Variants in RAB38 observed in about 807,000 individuals in gnomAD.
RAB38 encodes the protein RAB38, member RAS oncogene family.
RAB38 carries 15 observed loss-of-function variants against 18.4 expected under a neutral mutation model. That is an observed-to-expected ratio of 0.82 (90% CI 0.55 to 1.26). RAB38 has a LOEUF of 1.26. Ranked by LOEUF, RAB38 falls within the 50% of genes most tolerant of loss-of-function variation. The pLI is 0.00. For synonymous variants in RAB38, 101 were observed against 104.4 expected (o/e 0.97, Z 0.20); for missense variants, 294 against 267.4 (o/e 1.10, Z -0.69).
intron 1 of RAB38, among the ~76,000 whole-genome samples, chr11:88,170,451 A>T (rs1344794226): frequency 6.6e-6 from 1 of 152,218 alleles, no homozygotes; most frequent in African/African-American, 2.4e-5. Flanking sequence ...GGTACTAAAG[A>T]GATAGTTAAG....
At chr11:88,060,813 C>T in the RAB38 span, among the ~76,000 whole-genome samples, 18 of 152,116 alleles carry the variant, frequency 1.2e-4, no homozygotes, top group African/African-American at 4.3e-4. Context: ...CTAACTAATG[C>T]TAGGCTAGGG....
intron 2 of RAB38, among the ~76,000 whole-genome samples, chr11:88,134,136 T>C (rs1032400936): frequency 2.0e-5 from 3 of 152,184 alleles, no homozygotes; most frequent in Admixed American, 6.5e-5. Flanking sequence ...CTTAGATGTA[T>C]AGTAACCTTT....
chr11:88,026,782 T>G, the RAB38 span, among the ~76,000 whole-genome samples: 2 of 151,848 alleles, frequency 1.3e-5, no homozygotes, highest in Admixed American at 1.3e-4. Flanking sequence ...ACAGTAATAA[T>G]TGATTCAGAG....
At chr11:88,069,301 A>G in the RAB38 span, among the ~76,000 whole-genome samples, 2 of 152,208 alleles carry the variant, frequency 1.3e-5, no homozygotes, top group Non-Finnish European at 2.9e-5. Context: ...GGCAGGGCTC[A>G]GGACCTGCAG....
At chr11:87,865,958 A>G in the RAB38 span, among the ~76,000 whole-genome samples, 1 of 151,744 alleles carries the variant, frequency 6.6e-6, no homozygotes, top group African/African-American at 2.4e-5. Flanking sequence ...TTACAGATAC[A>G]CTGAATAAAT....
chr11:87,866,971 A>G, the RAB38 span, among the ~76,000 whole-genome samples: 1 of 151,780 alleles, frequency 6.6e-6, no homozygotes, highest in Non-Finnish European at 1.5e-5. Flanking sequence ...AACATGCAAA[A>G]TATTTGGGAG....
At chr11:87,881,571 G>A in the RAB38 span, among the ~76,000 whole-genome samples, 2 of 151,918 alleles carry the variant, frequency 1.3e-5, no homozygotes, top group East Asian at 3.9e-4. Flanking sequence ...TAAAACTAAT[G>A]TATTATTTGC....
At chr11:88,172,500 C>A (rs554110190) in intron 1 of RAB38, among the ~76,000 whole-genome samples, 1 of 152,120 alleles carries the variant, frequency 6.6e-6, no homozygotes, top group Admixed American at 6.6e-5. Flanking sequence ...TATATGATAT[C>A]CTATCAGAAC....
the RAB38 span, chr11:87,817,161 C>T: frequency 6.6e-6 from 1 of 152,244 alleles, no homozygotes; most frequent in Admixed American, 6.5e-5. Flanking sequence ...GTCAGAGCTT[C>T]CTGGAACTGC....
chr11:88,155,997 A>T (rs185968961), intron 1 of RAB38, among the ~76,000 whole-genome samples: 2 of 152,238 alleles, frequency 1.3e-5, no homozygotes, highest in Non-Finnish European at 2.9e-5. Flanking sequence ...TATTTTTTAA[A>T]TGAAGAAAGT....
At chr11:88,024,623 G>T in the RAB38 span, among the ~76,000 whole-genome samples, 1 of 152,152 alleles carries the variant, frequency 6.6e-6, no homozygotes, top group Non-Finnish European at 1.5e-5. Flanking sequence ...GCCAAGATTT[G>T]GAAGCACCCT....
chr11:88,088,956 A>C, the RAB38 span, among the ~76,000 whole-genome samples: 1 of 151,866 alleles, frequency 6.6e-6, no homozygotes, highest in Non-Finnish European at 1.5e-5. Flanking sequence ...ACAAAAAAAA[A>C]AGAGCTAAAG....
chr11:87,872,218 A>G, the RAB38 span, among the ~76,000 whole-genome samples: 1 of 151,556 alleles, frequency 6.6e-6, no homozygotes, highest in Non-Finnish European at 1.5e-5. Context: ...TTGGCCATTG[A>G]AATACCCTTT....
chr11:87,954,563 TTTCTGTGCCTTA>T, the RAB38 span, among the ~76,000 whole-genome samples: 1 of 151,850 alleles, frequency 6.6e-6, no homozygotes. Context: ...TGTTGAGAAA[TTTCTGTGCCTTA>T]TCTGAACAAT....
chr11:87,892,124 G>T, the RAB38 span, among the ~76,000 whole-genome samples: 1 of 151,780 alleles, frequency 6.6e-6, no homozygotes, highest in Non-Finnish European at 1.5e-5. Context: ...TGCTCAAACT[G>T]CCATGTGCAG....
the RAB38 span, among the ~76,000 whole-genome samples, chr11:87,971,798 G>A: frequency 6.6e-6 from 1 of 152,030 alleles, no homozygotes; most frequent in African/African-American, 2.4e-5. Context: ...CTCTGTCTAT[G>A]CCTCACAGTC....
chr11:87,904,358 A>G, the RAB38 span, among the ~76,000 whole-genome samples: 1 of 151,730 alleles, frequency 6.6e-6, no homozygotes, highest in African/African-American at 2.4e-5. Flanking sequence ...TTTCTATTCC[A>G]GCATTAATAT....
At chr11:88,024,508 C>A in the RAB38 span, among the ~76,000 whole-genome samples, 19 of 152,092 alleles carry the variant, frequency 1.2e-4, no homozygotes, top group Admixed American at 1.2e-3. Context: ...AGGGCTACCA[C>A]GTGATCCAGC....
At chr11:87,977,949 TATA>T in the RAB38 span, among the ~76,000 whole-genome samples, 215 of 113,106 alleles carry the variant, frequency 1.9e-3, no homozygotes, top group African/African-American at 7.5e-3. Context: ...AATATATTAA[TATA>T]ATATATAAAT....
Sources: allele counts gnomAD v4.1 joint callset (sites outside exome capture counted in the v4.1 genomes callset), GRCh38; gene constraint gnomAD v4.1.1; transcripts MANE v1.5; gene names NCBI Gene and HGNC (gene_info 2026-07-23, HGNC 2026-07-21).